The following FGF14 variants were observed in gnomAD, a reference collection of about 807,000 sequenced individuals.
FGF14 encodes the protein fibroblast growth factor homologous factor 4.
In FGF14, 5 loss-of-function variants were observed where a neutral mutation model predicts 25.5. The observed-to-expected ratio is 0.20, with a 90% confidence interval of 0.10 to 0.41. The LOEUF (loss-of-function observed/expected upper bound fraction) is 0.41, where lower values mean the gene tolerates loss of function less well. Ranked by LOEUF, FGF14 falls within the 10% of genes least tolerant of loss-of-function variation. The probability of loss-of-function intolerance (pLI) is 1.00; values close to 1 mark genes in which losing one functional copy is unlikely to be tolerated. For synonymous variants in FGF14, 138 were observed against 118.3 expected, an observed-to-expected ratio of 1.17 and a Z score of -1.08; for missense variants, 222 against 320.1, an observed-to-expected ratio of 0.69 and a Z score of 2.34.
At position 102,400,668 on chromosome 13, in the gene FGF14, C is replaced by A. The variant is rs1389843177; in HGVS notation, c.208+803G>T. Among the ~76,000 whole-genome samples, 1 of 152,196 alleles carries A rather than the reference C, an allele frequency of 6.6e-6. No individual in the cohort carries two copies. Among genetic ancestry groups the A allele is most frequent in the East Asian group, 1.9e-4 (1 of 5,188 alleles). ...TTCCCTTGTTGGAGCCCTTTGGAAT[C>A]GGGGCGCATGATCACCAGTAGGCTT... On this transcript the variant is annotated intron_variant, in intron 1 of 4. Coordinates refer to the FGF14 transcript ENST00000376131. The surrounding 1 kb of genome is among the most constrained non-coding windows in gnomAD (Gnocchi z 4.3).
chr13:101,808,454 GAATT>G (rs1181184643), intron 3 of FGF14, among the ~76,000 whole-genome samples: 2 of 151,956 alleles, frequency 1.3e-5, no homozygotes, highest in African/African-American at 2.4e-5. Context: ...TTTTAAAACT[GAATT>G]AATGTTTGTC....
intron 1 of FGF14, among the ~76,000 whole-genome samples, chr13:102,284,125 T>C (rs981885254): frequency 1.3e-5 from 2 of 152,204 alleles, no homozygotes. Context: ...TTGGTGCTTT[T>C]TCCCCCGCAA....
intron 1 of FGF14, among the ~76,000 whole-genome samples, chr13:102,352,612 A>G (rs1004490218): frequency 1.3e-5 from 2 of 152,060 alleles, no homozygotes; most frequent in African/African-American, 4.8e-5. Flanking sequence ...GGAGATCGAG[A>G]CCATTCTGGC....
At chr13:101,977,679 TC>T (rs1226751261) in intron 1 of FGF14, among the ~76,000 whole-genome samples, 2 of 152,126 alleles carry the variant, frequency 1.3e-5, no homozygotes, top group Admixed American at 6.6e-5. Context: ...AACCGAGTGA[TC>T]CCTGGGATGC....
chr13:101,799,486 T>G lies in FGF14; in HGVS notation c.408+69239A>C, dbSNP rs148340028. Among the ~76,000 whole-genome samples, 298 of 152,238 alleles carry G rather than the reference T, an allele frequency of 2.0e-3. 1 individual carries two copies. The highest frequency in any genetic ancestry group is 6.8e-3 in the African/African-American group (284 of 41,550). On this transcript the variant is annotated intron_variant, in intron 3 of 4. Transcript: ENST00000376143. ...CAGCAGAAGATCTCTTTGCATAGTT[T>G]AGTGCTGGAAATAAAGGATTTAAGG...
chr13:101,949,191 C>A (rs1391069316), intron 1 of FGF14, among the ~76,000 whole-genome samples: 2 of 152,162 alleles, frequency 1.3e-5, no homozygotes, highest in Admixed American at 1.3e-4. Flanking sequence ...CAATAAACTG[C>A]ATTTTGTGGA....
intron 1 of FGF14, among the ~76,000 whole-genome samples, chr13:102,161,625 G>GAAC (rs1306306400): frequency 6.3e-5 from 1 of 15,760 alleles, no homozygotes; most frequent in Non-Finnish European, 1.0e-4. Context: ...AGAAGAAGAA[G>GAAC]AAGAAGAAGA....
At chr13:101,812,063 CAGTT>C (rs1005366212) in intron 3 of FGF14, among the ~76,000 whole-genome samples, 2 of 152,112 alleles carry the variant, frequency 1.3e-5, no homozygotes, top group East Asian at 1.9e-4. Flanking sequence ...TATCACTGAA[CAGTT>C]AGAAGACTTC....
intron 1 of FGF14, among the ~76,000 whole-genome samples, chr13:102,138,132 C>T (rs2046492721): frequency 6.7e-6 from 1 of 148,956 alleles, no homozygotes; most frequent in Admixed American, 6.7e-5. Context: ...GGCAATGAGA[C>T]CATCATTCTT....
intron 1 of FGF14, among the ~76,000 whole-genome samples, chr13:102,354,640 A>G (rs938582484): frequency 6.6e-6 from 1 of 152,172 alleles, no homozygotes. Flanking sequence ...GCAAATTGTG[A>G]GGAAGGTATG....
At chr13:102,271,447 G>A (rs2053242204) in intron 1 of FGF14, among the ~76,000 whole-genome samples, 1 of 152,044 alleles carries the variant, frequency 6.6e-6, no homozygotes, top group South Asian at 2.1e-4. Flanking sequence ...TTTCTGTCCA[G>A]AGTGCATTTC....
At chr13:101,852,127 GT>G (rs562435161) in intron 3 of FGF14, among the ~76,000 whole-genome samples, 4 of 152,050 alleles carry the variant, frequency 2.6e-5, no homozygotes, top group Admixed American at 6.6e-5. Context: ...CTACTGAGGT[GT>G]TTTTATTTTA....
chr13:102,238,605 G>C (rs746801067), intron 1 of FGF14, among the ~76,000 whole-genome samples: 3 of 152,206 alleles, frequency 2.0e-5, no homozygotes, highest in Non-Finnish European at 4.4e-5. Flanking sequence ...CAATGAGTGA[G>C]AGCATTATAT....
chr13:102,267,377 A>G (rs1462825423), intron 1 of FGF14, among the ~76,000 whole-genome samples: 2 of 152,204 alleles, frequency 1.3e-5, no homozygotes, highest in African/African-American at 2.4e-5. Context: ...TCCAATGACC[A>G]ATGCAGTGGA....
intron 1 of FGF14, among the ~76,000 whole-genome samples, chr13:102,080,371 G>A (rs2043561210): frequency 6.6e-6 from 1 of 152,168 alleles, no homozygotes; most frequent in African/African-American, 2.4e-5. Flanking sequence ...CGACGTCAAG[G>A]ATGATTCCCA....
At chr13:102,318,995 G>T (rs774479352) in intron 1 of FGF14, among the ~76,000 whole-genome samples, 4 of 152,142 alleles carry the variant, frequency 2.6e-5, no homozygotes, top group Non-Finnish European at 5.9e-5. Flanking sequence ...TCACCATTGA[G>T]CATTGAAGAC....
rs544924099 is a variant in FGF14 at position 101,911,334 on chromosome 13, A to G, written c.193+5119T>C. ...TTTGTGTATCTGAAATCTTGTTAGG[A>G]AAGGTCACAGGATTTCTTCACCAGA... On this transcript the variant is annotated intron_variant, in intron 1 of 4. Coordinates refer to ENST00000376143, the MANE Select transcript of FGF14 (RefSeq NM_004115.4). 8.5e-5 allele frequency among the ~76,000 whole-genome samples: 13 copies of G among 152,278 alleles called. 1 individual carries two copies. In the East Asian group the frequency reaches 2.1e-3, roughly 25 times the overall value.
chr13:102,223,014 G>T (rs1011299914), intron 1 of FGF14, among the ~76,000 whole-genome samples: 1 of 152,212 alleles, frequency 6.6e-6, no homozygotes, highest in African/African-American at 2.4e-5. Context: ...TCATCTATCG[G>T]GATGCTATCT....
At chr13:102,336,765 T>G (rs1594886479) in intron 1 of FGF14, among the ~76,000 whole-genome samples, 2 of 152,204 alleles carry the variant, frequency 1.3e-5, no homozygotes, top group African/African-American at 4.8e-5. Flanking sequence ...CGATATGAAG[T>G]TGAAGCCAAT....
Sources: gnomAD v4.1 joint callset for allele counts (sites outside exome capture counted in the v4.1 genomes callset) on GRCh38, gnomAD v4.1.1 for gene constraint, Gnocchi (gnomAD v3.1) non-coding constraint, MANE v1.5 for transcripts, NCBI Gene and HGNC (gene_info 2026-07-23, HGNC 2026-07-21) for gene names.